DPY19L4: variants seen among roughly 807,000 people sequenced by gnomAD.
DPY19L4 encodes the protein dpy-19 like 4.
DPY19L4 carries 97 observed loss-of-function variants against 102.8 expected under a neutral mutation model. That is an observed-to-expected ratio of 0.94 (90% CI 0.80 to 1.12). DPY19L4 has a LOEUF of 1.12. Ranked by LOEUF, DPY19L4 falls within the 50% of genes most tolerant of loss-of-function variation. The probability of loss-of-function intolerance (pLI) is 0.00; values close to 1 mark genes in which losing one functional copy is unlikely to be tolerated. For synonymous variants in DPY19L4, 252 were observed against 283.1 expected (o/e 0.89, Z 1.10); for missense variants, 815 against 850.4 (o/e 0.96, Z 0.52).
At chr8:94,772,398 A>C (rs1254744862) in intron 13 of DPY19L4, among the ~76,000 whole-genome samples, 1 of 152,234 alleles carries the variant, frequency 6.6e-6, no homozygotes, top group East Asian at 1.9e-4. Flanking sequence ...AACTTAGGAA[A>C]GTCATACTCA....
At chr8:94,757,828 CG>C (rs1812229043) in intron 7 of DPY19L4, among the ~76,000 whole-genome samples, 3 of 151,702 alleles carry the variant, frequency 2.0e-5, no homozygotes, top group African/African-American at 7.3e-5. Context: ...TCATATAGGC[CG>C]GGTGTGGTGG....
In DPY19L4 at chr8:94,725,000, A is replaced by ATG. The variant is rs1192074273; in HGVS notation, c.17-1329_17-1328dup. 3.4e-5 allele frequency among the ~76,000 whole-genome samples: 3 copies of ATG among 88,554 alleles called. No individual in the cohort carries two copies. The East Asian group carries it at 6.8e-4, about 20-fold the overall frequency. The allele number at this position is 88,554 out of a possible 152,430, so 58.1% of individuals were successfully genotyped here. On this transcript the variant is annotated intron_variant, in intron 1 of 18. Transcript: ENST00000414645. Reference sequence around the variant, plus strand: ...AGATTCATCAGTCTGAATCCACTAAATGTACAGCTTTTTTTTTATCACTAT... The same window carrying ATG: ...AGATTCATCAGTCTGAATCCACTAAATGTGTACAGCTTTTTTTTTATCACTAT...
At chr8:94,738,485 A>G in intron 4 of DPY19L4, 26 bp downstream of exon 4, 1 of 1,367,530 alleles carries the variant, frequency 7.3e-7, no homozygotes, top group Non-Finnish European at 9.9e-7. Flanking sequence ...TTATATTTTT[A>G]ATAACAGTAT....
In DPY19L4 at chr8:94,790,948, T is replaced by G. The variant is rs1354264673; in HGVS notation, c.*1038T>G. 6.6e-6 allele frequency: 1 copy of G among 152,100 alleles called. No homozygotes were observed. The highest frequency in any genetic ancestry group is 1.5e-5 in the Non-Finnish European group (1 of 67,944). 9.4% of individuals were successfully genotyped at this position (152,100 alleles called of 1,614,324 possible). A position where few individuals can be genotyped will look rare whatever the true frequency, so the allele number is the denominator to read the frequency against. ...GAAAAAATGACAACTATAATAAAATTTACAACACAGTTTCACAGTCTAAAT... is the reference window on the plus strand; with the variant it reads ...GAAAAAATGACAACTATAATAAAATGTACAACACAGTTTCACAGTCTAAAT... On this transcript the variant is annotated 3_prime_UTR_variant, in exon 19 of 19. Transcript: ENST00000414645.
chr8:94,774,579 C>CCT (rs1563610692), intron 13 of DPY19L4, among the ~76,000 whole-genome samples: 5 of 132,898 alleles, frequency 3.8e-5, no homozygotes, highest in African/African-American at 1.4e-4. Context: ...CCACTTCTTT[C>CCT]TTTTTTTTTT....
At chr8:94,730,325 A>G (rs1222901179) in intron 2 of DPY19L4, among the ~76,000 whole-genome samples, 1 of 152,212 alleles carries the variant, frequency 6.6e-6, no homozygotes, top group Non-Finnish European at 1.5e-5. Flanking sequence ...TTTTCAAACT[A>G]AAATGGTTGT....
chr8:94,788,347 G>C (rs927580760), intron 18 of DPY19L4, among the ~76,000 whole-genome samples: 2 of 151,910 alleles, frequency 1.3e-5, no homozygotes, highest in African/African-American at 4.8e-5. Context: ...ATAAACAAAA[G>C]ATGGCATAAT....
chr8:94,735,026 T>C (rs1811135956), intron 3 of DPY19L4, among the ~76,000 whole-genome samples: 3 of 152,228 alleles, frequency 2.0e-5, no homozygotes, highest in Non-Finnish European at 4.4e-5. Flanking sequence ...AGCCTTTTCA[T>C]AGTTTTGATA....
At chr8:94,738,917 G>A (rs963890513) in intron 4 of DPY19L4, among the ~76,000 whole-genome samples, 8 of 151,954 alleles carry the variant, frequency 5.3e-5, no homozygotes, top group Non-Finnish European at 8.8e-5. Flanking sequence ...TATTTATGGG[G>A]AGTGATATTT....
rs561775098 is a variant in DPY19L4, at chr8:94,762,267, A to C, written c.870+433A>C. Among the ~76,000 whole-genome samples the C allele has an allele frequency of 4.6e-5, 7 of 152,172 alleles. No homozygotes were observed. In the South Asian group the frequency reaches 1.5e-3, roughly 32 times the overall value. ...GCTGCTCTTGGGTTTCTTGAGCTGG[A>C]AGATGTGATGAAGCTGGTTCTTGAA... On this transcript the variant is annotated intron_variant, in intron 8 of 18. Transcript: ENST00000414645.
chr8:94,763,736 G>A (rs1248967304), intron 8 of DPY19L4, among the ~76,000 whole-genome samples: 1 of 151,902 alleles, frequency 6.6e-6, no homozygotes, highest in African/African-American at 2.4e-5. Flanking sequence ...ATGTTGGCCA[G>A]GTTGGTCTTG....
rs552355239 is a variant in DPY19L4, at chr8:94,720,846, G to A, written c.16+832G>A. On this transcript the variant is annotated intron_variant, in intron 1 of 18. Coordinates refer to ENST00000414645, the MANE Select transcript of DPY19L4 (RefSeq NM_181787.3). Reference sequence around the variant, plus strand: ...CCCTACTAGTTTCAGGAAGTGAGAAGCAATTAGATTTTTGCATTCTGGTGG... The same window carrying A: ...CCCTACTAGTTTCAGGAAGTGAGAAACAATTAGATTTTTGCATTCTGGTGG... Among the ~76,000 whole-genome samples, 7 of 152,250 alleles carry A rather than the reference G, an allele frequency of 4.6e-5. No individual in the cohort carries two copies. The South Asian group carries it at 1.2e-3, about 27-fold the overall frequency.
At chr8:94,726,279 A>C in intron 1 of DPY19L4, 52 bp from the exon 2 acceptor site, 2 of 1,472,854 alleles carry the variant, frequency 1.4e-6, no homozygotes, top group South Asian at 2.7e-5. Flanking sequence ...CTCAGGATAC[A>C]GATTAAAACA....
intron 3 of DPY19L4, among the ~76,000 whole-genome samples, chr8:94,736,347 A>T (rs577940943): frequency 1.4e-4 from 22 of 152,318 alleles, no homozygotes; most frequent in African/African-American, 5.1e-4. Flanking sequence ...ATCTGAAAAG[A>T]CTTCCTCTTG....
At chr8:94,729,978 G>GA (rs59845500) in intron 2 of DPY19L4, among the ~76,000 whole-genome samples, 22 of 148,588 alleles carry the variant, frequency 1.5e-4, no homozygotes, top group African/African-American at 4.2e-4. Flanking sequence ...GGAAAGTAGA[G>GA]AAAAAAAAAC....
At chr8:94,772,305 A>G (rs1246518803) in intron 13 of DPY19L4, among the ~76,000 whole-genome samples, 1 of 152,184 alleles carries the variant, frequency 6.6e-6, no homozygotes, top group Non-Finnish European at 1.5e-5. Context: ...AATTCCTAAG[A>G]CCATCCTTAC....
chr8:94,792,541 C>G lies in DPY19L4; in HGVS notation c.*2631C>G, dbSNP rs1586441620. 6.6e-6 allele frequency: 1 copy of G among 151,490 alleles called. No individual in the cohort carries two copies. The highest frequency in any genetic ancestry group is 2.4e-5 in the African/African-American group (1 of 41,384). 9.4% of individuals were successfully genotyped at this position (151,490 alleles called of 1,614,324 possible). ...GGGATTACAGACGTGAGCCACTGCG[C>G]CCGGCGCAAGTCTTTGTTAAAAGTA... On this transcript the variant is annotated 3_prime_UTR_variant, in exon 19 of 19. Coordinates refer to ENST00000414645, the MANE Select transcript of DPY19L4 (RefSeq NM_181787.3).
intron 7 of DPY19L4, among the ~76,000 whole-genome samples, chr8:94,757,000 G>A (rs1361498153): frequency 6.6e-6 from 1 of 152,186 alleles, no homozygotes; most frequent in Non-Finnish European, 1.5e-5. Flanking sequence ...CTTCTAGCCT[G>A]GGCGACAGAG....
At chr8:94,753,844 G>A (rs2130857598) in intron 6 of DPY19L4, among the ~76,000 whole-genome samples, 1 of 152,254 alleles carries the variant, frequency 6.6e-6, no homozygotes, top group East Asian at 1.9e-4. Context: ...CTGCACTCCA[G>A]CCTGGGCGAC....
Sources: gnomAD v4.1 joint callset for allele counts (sites outside exome capture counted in the v4.1 genomes callset) on GRCh38, gnomAD v4.1.1 for gene constraint, MANE v1.5 for transcripts, NCBI Gene and HGNC (gene_info 2026-07-23, HGNC 2026-07-21) for gene names.